The following UNC13C variants were observed in gnomAD, a reference collection of about 807,000 sequenced individuals.
UNC13C encodes the protein unc-13 homolog C, also known as protein unc-13 homolog C.
Under a neutral mutation model 245.4 loss-of-function variants are expected in UNC13C, and 174 were observed. The ratio of observed to expected loss-of-function variants is 0.71; its 90% confidence interval spans 0.63 to 0.80. UNC13C has a LOEUF of 0.80. UNC13C is among the 30% of genes least tolerant of loss of function. The pLI, the probability that UNC13C is intolerant of heterozygous loss-of-function variation, is 0.00. For missense variants in UNC13C, 2,829 were observed against 2,602.9 expected, an observed-to-expected ratio of 1.09 and a Z score of -1.89; for synonymous variants, 992 against 895.1, an observed-to-expected ratio of 1.11 and a Z score of -1.93.
chr15:54,286,570 C>T (rs1336263915), intron 10 of UNC13C, among the ~76,000 whole-genome samples: 2 of 152,098 alleles, frequency 1.3e-5, no homozygotes, highest in Non-Finnish European at 2.9e-5. Context: ...AGCGATCCAT[C>T]TCATGATGGG....
chr15:54,086,467 T>G (rs1237721007), intron 2 of UNC13C, among the ~76,000 whole-genome samples: 1 of 152,174 alleles, frequency 6.6e-6, no homozygotes, highest in Admixed American at 6.5e-5. Flanking sequence ...AAATTGAGGC[T>G]GCTCAGTCTC....
At chr15:54,063,684 A>G (rs1465434742) in intron 2 of UNC13C, among the ~76,000 whole-genome samples, 1 of 152,196 alleles carries the variant, frequency 6.6e-6, no homozygotes, top group Non-Finnish European at 1.5e-5. Flanking sequence ...AAATGCTACA[A>G]GAATCACTTG....
chr15:54,585,127 T>C (rs1200103996), intron 30 of UNC13C, among the ~76,000 whole-genome samples: 2 of 152,238 alleles, frequency 1.3e-5, no homozygotes, highest in African/African-American at 4.8e-5. Context: ...GAGATGGTGA[T>C]ATAGTTTGAA....
chr15:53,846,295 C>A, the UNC13C span, among the ~76,000 whole-genome samples: 3 of 152,144 alleles, frequency 2.0e-5, no homozygotes, highest in Non-Finnish European at 4.4e-5. Context: ...ATGAGGTTTA[C>A]AACACATAAC....
At chr15:54,237,446 TA>T in intron 6 of UNC13C, 172 bp from the exon 7 acceptor site, 1 of 701,604 alleles carries the variant, frequency 1.4e-6, no homozygotes, top group South Asian at 1.5e-5. Context: ...CCAGTTTTAA[TA>T]TTGTATAAGT....
chr15:54,111,837 C>T (rs981761894), intron 2 of UNC13C, among the ~76,000 whole-genome samples: 2 of 152,060 alleles, frequency 1.3e-5, no homozygotes, highest in East Asian at 3.9e-4. Flanking sequence ...GAGATACTGC[C>T]CTTCCCCAAA....
intron 2 of UNC13C, among the ~76,000 whole-genome samples, chr15:54,077,154 A>G (rs1411010714): frequency 6.6e-6 from 1 of 151,908 alleles, no homozygotes; most frequent in Non-Finnish European, 1.5e-5. Context: ...GTCTCAAAAA[A>G]CCTTGGAAGC....
In UNC13C at chr15:54,065,411, C is replaced by T. The variant is rs932727624; in HGVS notation, c.2983+49525C>T. Among the ~76,000 whole-genome samples, 7 of 152,168 alleles carry T rather than the reference C, an allele frequency of 4.6e-5. No individual in the cohort carries two copies. In the South Asian group the frequency reaches 1.4e-3, roughly 31 times the overall value. ...TTCCTCACTGCACCCTTTTATATCTCCTGTTAGTTTTTGATAATGAACCAT... is the reference window on the plus strand; with the variant it reads ...TTCCTCACTGCACCCTTTTATATCTTCTGTTAGTTTTTGATAATGAACCAT... On this transcript the variant is annotated intron_variant, in intron 2 of 32. Transcript: ENST00000260323.
chr15:53,925,350 TG>T, the UNC13C span, among the ~76,000 whole-genome samples: 1 of 152,192 alleles, frequency 6.6e-6, no homozygotes, highest in African/African-American at 2.4e-5. Flanking sequence ...ACACTTTGTT[TG>T]GGACCTGTCA....
rs1555404425 is a variant in UNC13C, at chr15:54,627,158, C to T, written c.*45C>T. The T allele has an allele frequency of 5.9e-6, 9 of 1,536,422 alleles. No homozygotes were observed. In the East Asian group the frequency reaches 1.4e-4, roughly 23 times the overall value. ...ATACATAACTATAATTGTTTGACTA[C>T]TGCATGCATGTGCAAATACATGGGA... On this transcript the variant is annotated 3_prime_UTR_variant, in exon 33 of 33. Transcript: ENST00000260323.
the UNC13C span, among the ~76,000 whole-genome samples, chr15:53,871,939 A>G: frequency 1.3e-5 from 2 of 152,214 alleles, no homozygotes; most frequent in Non-Finnish European, 2.9e-5. Flanking sequence ...CTCTGCTGCT[A>G]GTTTCTACAG....
At chr15:54,371,874 T>C (rs1427424244) in intron 17 of UNC13C, among the ~76,000 whole-genome samples, 3 of 152,018 alleles carry the variant, frequency 2.0e-5, no homozygotes, top group Non-Finnish European at 4.4e-5. Context: ...ATCTCACATA[T>C]TTGTGGAATG....
intron 19 of UNC13C, among the ~76,000 whole-genome samples, chr15:54,451,114 T>A (rs1596397690): frequency 1.3e-5 from 2 of 152,312 alleles, no homozygotes; most frequent in Middle Eastern, 6.8e-3. Flanking sequence ...GTTTTTTAAA[T>A]ATTTTTTCCT....
At chr15:53,940,587 G>T in the UNC13C span, among the ~76,000 whole-genome samples, 1 of 152,118 alleles carries the variant, frequency 6.6e-6, no homozygotes, top group Non-Finnish European at 1.5e-5. Flanking sequence ...CAGCCTAAAA[G>T]CTTCTTAAGC....
intron 2 of UNC13C, 47 bp from the exon 3 acceptor site, chr15:54,142,971 A>T: frequency 6.4e-7 from 1 of 1,556,938 alleles, no homozygotes; most frequent in Non-Finnish European, 8.8e-7. Context: ...TTTCTTGAAA[A>T]GTACTCCATC....
intron 17 of UNC13C, among the ~76,000 whole-genome samples, chr15:54,343,723 A>G (rs2038792325): frequency 6.6e-6 from 1 of 152,232 alleles, no homozygotes; most frequent in South Asian, 2.1e-4. Context: ...TTCAAAGAGT[A>G]CTATTACAAT....
Position 54,336,854 on chromosome 15 carries a change from T to C in UNC13C, c.4585-1507T>C, listed in dbSNP as rs1295143074. 2.0e-5 allele frequency among the ~76,000 whole-genome samples: 3 copies of C among 152,170 alleles called. No homozygotes were observed. In the East Asian group the frequency reaches 5.8e-4, roughly 29 times the overall value. ...TTGTACATCCACCACTACCATCCTG[T>C]CTTGATTACTGTGACCTTATAGCAA... On this transcript the variant is annotated intron_variant, in intron 16 of 32. Coordinates refer to ENST00000260323, the MANE Select transcript of UNC13C (RefSeq NM_001080534.3).
the UNC13C span, among the ~76,000 whole-genome samples, chr15:53,898,285 T>C: frequency 6.6e-6 from 1 of 152,172 alleles, no homozygotes; most frequent in Non-Finnish European, 1.5e-5. Flanking sequence ...CAGTCATGCT[T>C]ATCTTTTAAA....
chr15:54,560,536 G>A (rs1239184600), intron 29 of UNC13C, among the ~76,000 whole-genome samples: 1 of 151,794 alleles, frequency 6.6e-6, no homozygotes, highest in Non-Finnish European at 1.5e-5. Flanking sequence ...TTTCAAGATA[G>A]AGAAAATGAT....
Sources: allele counts gnomAD v4.1 joint callset (sites outside exome capture counted in the v4.1 genomes callset), GRCh38; gene constraint gnomAD v4.1.1; transcripts MANE v1.5; gene names NCBI Gene and HGNC (gene_info 2026-07-23, HGNC 2026-07-21).